The following NRXN1 variants were observed in gnomAD, a reference collection of about 807,000 sequenced individuals.
NRXN1 encodes the protein neurexin-1.
In NRXN1, 39 loss-of-function variants were observed where a neutral mutation model predicts 150.9. The observed-to-expected ratio is 0.26, with a 90% CI of 0.20 to 0.34. The LOEUF is 0.34. Ranked by LOEUF, NRXN1 falls within the 10% of genes least tolerant of loss-of-function variation. NRXN1 has a pLI of 1.00. For synonymous variants in NRXN1, 924 were observed against 757.0 expected, an observed-to-expected ratio of 1.22 and a Z score of -3.62; for missense variants, 1,815 against 1,949.9, an observed-to-expected ratio of 0.93 and a Z score of 1.30.
chr2:50,425,997 A>T (rs2084450749), intron 17 of NRXN1, among the ~76,000 whole-genome samples: 1 of 152,198 alleles, frequency 6.6e-6, no homozygotes, highest in Non-Finnish European at 1.5e-5. Flanking sequence ...TCTATCAGTG[A>T]TACTTGTTAC....
intron 8 of NRXN1, among the ~76,000 whole-genome samples, chr2:50,616,779 T>G (rs1679131474): frequency 6.6e-6 from 1 of 152,000 alleles, no homozygotes; most frequent in African/African-American, 2.4e-5. Flanking sequence ...GTTATTAGAA[T>G]CTCCTTCAAG....
intron 5 of NRXN1, among the ~76,000 whole-genome samples, chr2:50,818,559 T>C (rs924206494): frequency 1.3e-5 from 2 of 152,012 alleles, no homozygotes; most frequent in Non-Finnish European, 2.9e-5. Context: ...ACATAAGACC[T>C]GCAACTGTAA....
chr2:50,771,940 T>C (rs906295705), intron 5 of NRXN1, among the ~76,000 whole-genome samples: 8 of 151,998 alleles, frequency 5.3e-5, no homozygotes, highest in African/African-American at 1.7e-4. Flanking sequence ...TAGTATATAA[T>C]AAAAGGTCAA....
chr2:50,641,911 A>G (rs1457353926), intron 5 of NRXN1, among the ~76,000 whole-genome samples: 1 of 152,042 alleles, frequency 6.6e-6, no homozygotes, highest in African/African-American at 2.4e-5. Flanking sequence ...ACCCTTCTTG[A>G]TGCTGTCCAT....
intron 8 of NRXN1, among the ~76,000 whole-genome samples, chr2:50,616,932 G>T (rs1026903022): frequency 1.3e-5 from 2 of 152,152 alleles, no homozygotes; most frequent in African/African-American, 4.8e-5. Flanking sequence ...AATTTACATA[G>T]ATTTTACTGT....
chr2:50,175,235 T>A (rs2060281053), intron 18 of NRXN1: 1 of 152,134 alleles, frequency 6.6e-6, no homozygotes, highest in South Asian at 2.1e-4. Context: ...GACAACACGG[T>A]CACACAAATC....
At chr2:50,603,924 C>G (rs1332415878) in intron 8 of NRXN1, among the ~76,000 whole-genome samples, 1 of 152,184 alleles carries the variant, frequency 6.6e-6, no homozygotes, top group East Asian at 1.9e-4. Flanking sequence ...TCCGACCACT[C>G]AAGCTCCCCA....
rs1354093368 is a variant in NRXN1, at chr2:49,943,700, T to A, written c.4216+4A>T. 3 of 1,606,898 alleles carry A rather than the reference T, an allele frequency of 1.9e-6. No individual in the cohort carries two copies. The highest frequency in any genetic ancestry group is 2.6e-6 in the Non-Finnish European group (3 of 1,174,966). On this transcript the variant is annotated splice_donor_region_variant and intron_variant, in intron 22 of 22. Transcript: ENST00000401669. ...CAAGGAAGTAAGAAAAAAAGTTGAC[T>A]AACCTAACCCACCTGAGCTCGGCTC...
intron 17 of NRXN1, among the ~76,000 whole-genome samples, chr2:50,280,150 C>T (rs1417482675): frequency 6.6e-6 from 1 of 151,530 alleles, no homozygotes; most frequent in Non-Finnish European, 1.5e-5. Flanking sequence ...TGGTGGCGGG[C>T]GCCTGTAGTC....
At chr2:50,917,821 T>A (rs1439496252) in intron 5 of NRXN1, 1 of 151,596 alleles carries the variant, frequency 6.6e-6, no homozygotes, top group African/African-American at 2.4e-5. Context: ...GGTATTTTTA[T>A]ATAGAAGCCC....
chr2:50,171,072 T>C (rs1457412931), intron 18 of NRXN1, among the ~76,000 whole-genome samples: 1 of 152,070 alleles, frequency 6.6e-6, no homozygotes, highest in Non-Finnish European at 1.5e-5. Flanking sequence ...TAGGTGGAAA[T>C]TAATCATCAT....
chr2:50,012,220 A>G (rs972826328), intron 21 of NRXN1, among the ~76,000 whole-genome samples: 2 of 152,116 alleles, frequency 1.3e-5, no homozygotes, highest in Non-Finnish European at 2.9e-5. Flanking sequence ...AGGGGCATGA[A>G]TTACTAGAAG....
chr2:50,982,426 A>C (rs7601476), intron 2 of NRXN1, among the ~76,000 whole-genome samples: 99,604 of 151,934 alleles, frequency 0.66, 33,439 homozygotes, highest in African/African-American at 0.79. Context: ...AGCAGAATGT[A>C]CACTGAATAC....
At chr2:50,317,469 T>C (rs539361956) in intron 17 of NRXN1, among the ~76,000 whole-genome samples, 3 of 151,696 alleles carry the variant, frequency 2.0e-5, no homozygotes, top group Admixed American at 6.6e-5. Context: ...GGATAATATC[T>C]CCAAAATATA....
intron 17 of NRXN1, among the ~76,000 whole-genome samples, chr2:50,393,994 T>C (rs59846338): frequency 0.017 from 2,533 of 152,206 alleles, 85 homozygotes; most frequent in African/African-American, 0.059. Context: ...ACACGGTAGA[T>C]TATTCTCTTT....
intron 21 of NRXN1, among the ~76,000 whole-genome samples, chr2:49,975,550 C>T (rs543941662): frequency 1.3e-5 from 2 of 152,024 alleles, no homozygotes; most frequent in Non-Finnish European, 2.9e-5. Flanking sequence ...CAAATTCTTT[C>T]TTTCATTCAA....
chr2:50,795,133 T>A (rs532243021), intron 5 of NRXN1, among the ~76,000 whole-genome samples: 1 of 152,244 alleles, frequency 6.6e-6, no homozygotes, highest in African/African-American at 2.4e-5. Flanking sequence ...ATCTGGGACC[T>A]GTAGTCTTTT....
intron 18 of NRXN1, chr2:50,105,213 A>C (rs1701474361): frequency 6.6e-6 from 1 of 152,110 alleles, no homozygotes; most frequent in South Asian, 2.1e-4. Flanking sequence ...TAAGTTTTCC[A>C]AGATGGGGGT....
intron 5 of NRXN1, among the ~76,000 whole-genome samples, chr2:50,791,582 C>T (rs986119795): frequency 7.2e-5 from 11 of 152,078 alleles, no homozygotes; most frequent in African/African-American, 2.7e-4. Flanking sequence ...CAAATGCACA[C>T]TGGAGATCAC....
Sources: allele counts gnomAD v4.1 joint callset (sites outside exome capture counted in the v4.1 genomes callset), GRCh38; gene constraint gnomAD v4.1.1; transcripts MANE v1.5; gene names NCBI Gene and HGNC (gene_info 2026-07-23, HGNC 2026-07-21).